Variants in HDAC9 observed in about 807,000 individuals in gnomAD.
HDAC9 encodes the protein MEF-2 interacting transcription repressor (MITR) protein.
In HDAC9, 41 loss-of-function variants were observed where a neutral mutation model predicts 139.4. The observed-to-expected ratio is 0.29, with a 90% CI of 0.23 to 0.38. The LOEUF (loss-of-function observed/expected upper bound fraction) is 0.38. HDAC9 is among the 10% of genes least tolerant of loss of function. The pLI is 1.00. For synonymous variants in HDAC9, 517 were observed against 476.2 expected, an observed-to-expected ratio of 1.09 and a Z score of -1.12; for missense variants, 1,147 against 1,297.0, an observed-to-expected ratio of 0.88 and a Z score of 1.78.
rs541734998 is a variant in HDAC9, at chr7:18,647,565, A to G, written c.1036-220A>G. Among the ~76,000 whole-genome samples, 18 of 152,306 alleles carry G rather than the reference A, an allele frequency of 1.2e-4. No individual in the cohort carries two copies. The East Asian group carries it at 2.7e-3, about 23-fold the overall frequency. ...ATAAAACCTTTTTATGTTCAATACA[A>G]TGACAATATTAAATTGTCTTCAGTG... is the stretch of plus-strand genomic sequence containing the variant. On this transcript the variant is annotated intron_variant, in intron 9 of 25. Coordinates refer to ENST00000686413, the MANE Select transcript of HDAC9 (RefSeq NM_178425.4).
At position 18,596,569 on chromosome 7, in the gene HDAC9, TA is replaced by T. The variant is rs143819824; in HGVS notation, c.664+2542del. ...CAAAGCGAACAATAAAATTTTACCA[TA>T]ATAAAACATATGTGATGATTGGGGA... On this transcript the variant is annotated intron_variant, in intron 6 of 25. Coordinates refer to ENST00000686413, the MANE Select transcript of HDAC9 (RefSeq NM_178425.4). Among the ~76,000 whole-genome samples the T allele has an allele frequency of 2.8e-3, 427 of 152,254 alleles. 2 individuals carry two copies. Among genetic ancestry groups the T allele is most frequent in the African/African-American group, 9.6e-3 (397 of 41,564 alleles).
At chr7:18,614,662 C>G (rs1055190508) in intron 6 of HDAC9, among the ~76,000 whole-genome samples, 2 of 152,148 alleles carry the variant, frequency 1.3e-5, no homozygotes, top group Admixed American at 6.6e-5. Context: ...TGAATCAGAG[C>G]AACATTCTCT....
intron 6 of HDAC9, among the ~76,000 whole-genome samples, chr7:18,616,294 C>G (rs1838583254): frequency 6.6e-6 from 1 of 151,876 alleles, no homozygotes; most frequent in African/African-American, 2.4e-5. Flanking sequence ...CTGCCTACCC[C>G]AAGTGCTTAG....
chr7:18,260,318 T>G (rs528345513), intron 2 of HDAC9, among the ~76,000 whole-genome samples: 168 of 133,486 alleles, frequency 1.3e-3, no homozygotes, highest in East Asian at 6.6e-3. Context: ...TTTGTTTTTT[T>G]TTTTGTTTTT....
chr7:18,735,587 G>T (rs945517948), intron 13 of HDAC9, among the ~76,000 whole-genome samples: 2 of 152,044 alleles, frequency 1.3e-5, no homozygotes, highest in African/African-American at 2.4e-5. Flanking sequence ...CTGTTCTATT[G>T]GTCTACATAA....
At chr7:18,329,966 T>A (rs1800782746) in intron 1 of HDAC9, among the ~76,000 whole-genome samples, 1 of 136,682 alleles carries the variant, frequency 7.3e-6, no homozygotes, top group Non-Finnish European at 1.6e-5. Flanking sequence ...TATTGCTGCA[T>A]TCTAAGGCTT....
At chr7:18,349,475 T>A (rs1247471600) in intron 1 of HDAC9, among the ~76,000 whole-genome samples, 1 of 152,106 alleles carries the variant, frequency 6.6e-6, no homozygotes, top group African/African-American at 2.4e-5. Flanking sequence ...CAGTATAATG[T>A]TAGTGCCTGA....
intron 12 of HDAC9, among the ~76,000 whole-genome samples, chr7:18,678,075 T>G (rs977983412): frequency 6.6e-6 from 1 of 151,942 alleles, no homozygotes. Flanking sequence ...CTCCTTTGAA[T>G]TATTCTGGTC....
chr7:18,483,264 C>G (rs1386116905), intron 1 of HDAC9, among the ~76,000 whole-genome samples: 1 of 152,058 alleles, frequency 6.6e-6, no homozygotes, highest in Admixed American at 6.6e-5. Context: ...GTAATGATTG[C>G]TGAAATGAGG....
At chr7:18,107,885 T>C (rs1181733067) in intron 1 of HDAC9, among the ~76,000 whole-genome samples, 2 of 152,212 alleles carry the variant, frequency 1.3e-5, no homozygotes, top group African/African-American at 4.8e-5. Context: ...TTCCCCCTTT[T>C]TTACCTTTCA....
At chr7:18,614,932 T>A (rs1838169778) in intron 6 of HDAC9, among the ~76,000 whole-genome samples, 1 of 152,218 alleles carries the variant, frequency 6.6e-6, no homozygotes, top group Admixed American at 6.5e-5. Context: ...TGCTGTTGAT[T>A]TTCTCATGGG....
intron 12 of HDAC9, among the ~76,000 whole-genome samples, chr7:18,688,613 C>G (rs1359607066): frequency 2.0e-5 from 3 of 151,788 alleles, no homozygotes; most frequent in East Asian, 1.9e-4. Flanking sequence ...CTGTTTACTT[C>G]TTTGTAAACC....
intron 1 of HDAC9, among the ~76,000 whole-genome samples, chr7:18,152,705 A>G (rs997382580): frequency 3.3e-5 from 5 of 152,224 alleles, no homozygotes; most frequent in African/African-American, 7.2e-5. Context: ...CAAGCACTCA[A>G]TAAGTACATG....
At chr7:18,733,112 T>C (rs1233685219) in intron 13 of HDAC9, among the ~76,000 whole-genome samples, 1 of 146,048 alleles carries the variant, frequency 6.8e-6, no homozygotes, top group South Asian at 2.1e-4. Context: ...TATACATATA[T>C]ATGTGTATAC....
chr7:18,399,437 G>A (rs1487366249), intron 1 of HDAC9, among the ~76,000 whole-genome samples: 2 of 152,158 alleles, frequency 1.3e-5, no homozygotes, highest in African/African-American at 4.8e-5. Context: ...TTGTATGGAG[G>A]TGTTCAGCTA....
At chr7:18,212,234 G>A (rs1791991740) in intron 2 of HDAC9, among the ~76,000 whole-genome samples, 4 of 151,988 alleles carry the variant, frequency 2.6e-5, no homozygotes, top group Admixed American at 2.6e-4. Flanking sequence ...TTTTTTTATT[G>A]TAAGATTTAT....
intron 2 of HDAC9, among the ~76,000 whole-genome samples, chr7:18,186,434 C>T (rs1211343264): frequency 6.6e-6 from 1 of 152,230 alleles, no homozygotes; most frequent in African/African-American, 2.4e-5. Flanking sequence ...TAGGATGGTG[C>T]TTTCTGGTGC....
chr7:18,927,284 T>G (rs1401538654), intron 22 of HDAC9, among the ~76,000 whole-genome samples: 1 of 152,144 alleles, frequency 6.6e-6, no homozygotes, highest in Non-Finnish European at 1.5e-5. Flanking sequence ...TACAGCACCA[T>G]GAGTCTTAAA....
intron 2 of HDAC9, among the ~76,000 whole-genome samples, chr7:18,277,747 G>T (rs906294193): frequency 4.6e-5 from 7 of 152,086 alleles, no homozygotes; most frequent in Non-Finnish European, 8.8e-5. Context: ...CATGGTCAAA[G>T]ATTTTATTAA....
Sources: allele counts gnomAD v4.1 joint callset (sites outside exome capture counted in the v4.1 genomes callset), GRCh38; gene constraint gnomAD v4.1.1; transcripts MANE v1.5; gene names NCBI Gene and HGNC (gene_info 2026-07-23, HGNC 2026-07-21).